ANKMY2: variants seen among roughly 807,000 people sequenced by gnomAD.
ANKMY2 encodes ankyrin repeat and MYND domain containing 2.
A neutral mutation model predicts 50.4 loss-of-function variants in ANKMY2; 36 were observed. The ratio of observed to expected loss-of-function variants is 0.71; its 90% CI spans 0.55 to 0.94. ANKMY2 has a LOEUF of 0.94. Ranked by LOEUF, ANKMY2 falls within the 40% of genes least tolerant of loss-of-function variation. The probability of loss-of-function intolerance (pLI) is 0.00; values close to 1 mark genes in which losing one functional copy is unlikely to be tolerated. For missense variants in ANKMY2, 565 were observed against 524.0 expected, an observed-to-expected ratio of 1.08 and a Z score of -0.76; for synonymous variants, 187 against 178.8, an observed-to-expected ratio of 1.05 and a Z score of -0.36.
chr7:16,601,707 T>C (rs1261087407), intron 9 of ANKMY2, among the ~76,000 whole-genome samples: 1 of 152,168 alleles, frequency 6.6e-6, no homozygotes, highest in African/African-American at 2.4e-5. Context: ...TTTTTCAAAT[T>C]ACATGCACTC....
Position 16,627,062 on chromosome 7 carries a change from G to T in ANKMY2, c.249C>A (p.Ala83=). 6.2e-7 allele frequency: 1 copy of T among 1,606,762 alleles called. No individual in the cohort carries two copies. ...NCHQHEHGYT[A]LMFAALSGNK... is the part of the protein sequence containing the mutation. The stretch of plus-strand genomic sequence containing the variant: ...CACCAGAAAGTGCAGCAAACATGAG[G>T]GCTGTGTATCCATGTTCATGCTGAT... Residue 83 remains alanine (A), a synonymous_variant, in exon 3 of 10, where the codon GCC becomes GCA. Coordinates refer to ENST00000306999, the MANE Select transcript of ANKMY2 (RefSeq NM_020319.3).
chr7:16,624,420 T>C (rs1682838578), intron 4 of ANKMY2, among the ~76,000 whole-genome samples: 3 of 152,236 alleles, frequency 2.0e-5, no homozygotes, highest in Admixed American at 6.5e-5. Flanking sequence ...CTGTGGTTGA[T>C]GAGAATGATA....
intron 1 of ANKMY2, among the ~76,000 whole-genome samples, chr7:16,639,448 T>C (rs111821233): frequency 1.3e-5 from 2 of 152,202 alleles, no homozygotes; most frequent in African/African-American, 4.8e-5. Flanking sequence ...TATTTCCCTT[T>C]AGAGAATTCC....
At chr7:16,602,287 C>A in intron 9 of ANKMY2, 93 bp downstream of exon 9, 1 of 1,470,008 alleles carries the variant, frequency 6.8e-7, no homozygotes, top group Non-Finnish European at 9.1e-7. Context: ...GCTCCTATGG[C>A]TTCCAGAGAA....
At chr7:16,603,518 G>C (rs1160199791) in intron 8 of ANKMY2, 2 of 400,332 alleles carry the variant, frequency 5.0e-6, no homozygotes, top group Non-Finnish European at 1.1e-5. Context: ...GGGTGGAAAG[G>C]AGATGGGAAT....
At chr7:16,622,640 T>C (rs893396097) in intron 4 of ANKMY2, among the ~76,000 whole-genome samples, 1 of 152,010 alleles carries the variant, frequency 6.6e-6, no homozygotes, top group African/African-American at 2.4e-5. Context: ...GTTGGGAGGC[T>C]GAGGCAGGAG....
Position 16,645,621 on chromosome 7 carries a change from A to G in ANKMY2, c.-48T>C. ...ATTCCCTTTCTTAGGGAGTATTAAA[A>G]AAGAAACGATGCGTCTGTATTGGGA... On this transcript the variant is annotated 5_prime_UTR_variant, in exon 1 of 10. Coordinates refer to ENST00000306999, the MANE Select transcript of ANKMY2 (RefSeq NM_020319.3). 1.3e-6 allele frequency: 2 copies of G among 1,588,260 alleles called. No individual in the cohort carries two copies. The highest frequency in any genetic ancestry group is 2.3e-5 in the East Asian group (1 of 43,382).
chr7:16,610,964 T>C (rs1422540651), intron 5 of ANKMY2, among the ~76,000 whole-genome samples: 1 of 152,258 alleles, frequency 6.6e-6, no homozygotes, highest in Non-Finnish European at 1.5e-5. Flanking sequence ...GTGGAATCTC[T>C]TGAACTCTGT....
intron 4 of ANKMY2, among the ~76,000 whole-genome samples, chr7:16,620,248 T>C (rs188149544): frequency 9.2e-5 from 14 of 152,040 alleles, no homozygotes; most frequent in African/African-American, 3.4e-4. Flanking sequence ...TGGGTGAAGA[T>C]AGATGACAGG....
chr7:16,628,977 A>G (rs1781542366), intron 2 of ANKMY2, among the ~76,000 whole-genome samples: 2 of 152,216 alleles, frequency 1.3e-5, no homozygotes, highest in South Asian at 4.1e-4. Flanking sequence ...AGAATGTAAT[A>G]ATCTGCTTAA....
chr7:16,609,731 C>G lies in ANKMY2; in HGVS notation c.781G>C (p.Val261Leu). Residue 261 changes from valine (V) to leucine (L), a missense_variant, in exon 7 of 10, where the codon GTG (valine) becomes CTG (leucine). Physicochemically the swap from Val to Leu is conservative, Grantham distance 32 (BLOSUM62 1). Coordinates refer to ENST00000306999, the MANE Select transcript of ANKMY2 (RefSeq NM_020319.3). ...TCTCTAATGATCTTTTCTTGATACACTGGAAAGCCATCAGAAGCTCGGCCT... is the reference window on the plus strand; with the variant it reads ...TCTCTAATGATCTTTTCTTGATACAGTGGAAAGCCATCAGAAGCTCGGCCT... ...LKGRASDGFPVYQEKIIRESI... is the reference protein window; with the variant it reads ...LKGRASDGFPLYQEKIIRESI... The G allele has an allele frequency of 1.2e-6, 2 of 1,610,446 alleles. No individual in the cohort carries two copies. The highest frequency in any genetic ancestry group is 1.7e-6 in the Non-Finnish European group (2 of 1,178,908).
At chr7:16,615,283 C>T (rs542516208) in intron 5 of ANKMY2, among the ~76,000 whole-genome samples, 17 of 152,252 alleles carry the variant, frequency 1.1e-4, no homozygotes, top group African/African-American at 3.9e-4. Flanking sequence ...GTATACCAGG[C>T]CCCCGGGGCT....
intron 2 of ANKMY2, among the ~76,000 whole-genome samples, chr7:16,628,062 A>G (rs913127485): frequency 3.9e-5 from 6 of 152,220 alleles, no homozygotes; most frequent in African/African-American, 1.4e-4. Flanking sequence ...ATATTCAACA[A>G]AACATCCAGC....
In ANKMY2 at chr7:16,644,122, G is replaced by A. The variant is rs187641378; in HGVS notation, c.67+1385C>T. Among the ~76,000 whole-genome samples, 45 of 152,096 alleles carry A rather than the reference G, an allele frequency of 3.0e-4. No homozygotes were observed. The East Asian group carries it at 4.6e-3, about 16-fold the overall frequency. ...TGAATTGATCCTTTGTCTCCTTTTTGCCCAGCACAGTACCTGGCACACAGC... is the reference window on the plus strand; with the variant it reads ...TGAATTGATCCTTTGTCTCCTTTTTACCCAGCACAGTACCTGGCACACAGC... On this transcript the variant is annotated intron_variant, in intron 1 of 9. Coordinates refer to ENST00000306999, the MANE Select transcript of ANKMY2 (RefSeq NM_020319.3).
chr7:16,628,349 C>T (rs1351717160), intron 2 of ANKMY2, among the ~76,000 whole-genome samples: 2 of 152,056 alleles, frequency 1.3e-5, no homozygotes, highest in African/African-American at 2.4e-5. Flanking sequence ...GTTGTGGAGA[C>T]GAGAATGATA....
At chr7:16,617,157 C>G (rs1382433772) in intron 4 of ANKMY2, among the ~76,000 whole-genome samples, 2 of 152,088 alleles carry the variant, frequency 1.3e-5, no homozygotes, top group South Asian at 4.1e-4. Context: ...TGCAGTTTGT[C>G]TTCATCTTCC....
At chr7:16,614,989 A>G (rs1562770345) in intron 5 of ANKMY2, among the ~76,000 whole-genome samples, 2 of 152,200 alleles carry the variant, frequency 1.3e-5, no homozygotes, top group Non-Finnish European at 2.9e-5. Flanking sequence ...GTAAACAACA[A>G]CAGCAAAAGC....
At chr7:16,611,534 T>C (rs1781251484) in intron 5 of ANKMY2, among the ~76,000 whole-genome samples, 1 of 152,188 alleles carries the variant, frequency 6.6e-6, no homozygotes, top group African/African-American at 2.4e-5. Context: ...TAAATATCCA[T>C]GGTGGCATAA....
intron 7 of ANKMY2, among the ~76,000 whole-genome samples, chr7:16,605,826 G>T (rs1781149954): frequency 6.6e-6 from 1 of 151,900 alleles, no homozygotes; most frequent in Non-Finnish European, 1.5e-5. Flanking sequence ...GGGACTACAG[G>T]CACCCGCCAC....
Sources: allele counts gnomAD v4.1 joint callset (sites outside exome capture counted in the v4.1 genomes callset), GRCh38; gene constraint gnomAD v4.1.1; transcripts MANE v1.5; gene names NCBI Gene and HGNC (gene_info 2026-07-23, HGNC 2026-07-21).